The following CHCHD3 variants were observed in gnomAD, a reference collection of about 807,000 sequenced individuals.
CHCHD3 encodes MICOS complex subunit MIC19.
In CHCHD3, 20 loss-of-function variants were observed where a neutral mutation model predicts 38.2. The ratio of observed to expected loss-of-function variants is 0.52; its 90% CI spans 0.37 to 0.76. The LOEUF (loss-of-function observed/expected upper bound fraction) is 0.76. CHCHD3 is among the 30% of genes least tolerant of loss of function. CHCHD3 has a pLI of 0.00. For synonymous variants in CHCHD3, 82 were observed against 100.0 expected (o/e 0.82, Z 1.07); for missense variants, 245 against 279.2 (o/e 0.88, Z 0.87).
At chr7:132,915,286 C>G (rs1450237935) in intron 4 of CHCHD3, among the ~76,000 whole-genome samples, 1 of 152,056 alleles carries the variant, frequency 6.6e-6, no homozygotes, top group African/African-American at 2.4e-5. Flanking sequence ...GGGTCAGGGA[C>G]AGGACAACTG....
At chr7:133,074,885 C>T (rs1474028083) in intron 1 of CHCHD3, among the ~76,000 whole-genome samples, 1 of 152,160 alleles carries the variant, frequency 6.6e-6, no homozygotes, top group African/African-American at 2.4e-5. Flanking sequence ...CAATTGGCTA[C>T]ACAAATATTT....
chr7:133,080,696 T>C (rs1815148412), intron 1 of CHCHD3, among the ~76,000 whole-genome samples: 1 of 152,180 alleles, frequency 6.6e-6, no homozygotes, highest in African/African-American at 2.4e-5. Flanking sequence ...ATTAGCATGA[T>C]ATAAAGAAAT....
At chr7:132,833,475 C>T (rs1807697361) in intron 6 of CHCHD3, among the ~76,000 whole-genome samples, 1 of 152,104 alleles carries the variant, frequency 6.6e-6, no homozygotes, top group African/African-American at 2.4e-5. Flanking sequence ...AATGTAATCA[C>T]CCCAAAAGAG....
chr7:132,957,678 G>A (rs1386978854), intron 4 of CHCHD3, among the ~76,000 whole-genome samples: 2 of 151,950 alleles, frequency 1.3e-5, no homozygotes, highest in Non-Finnish European at 2.9e-5. Context: ...ATGGGGTTTC[G>A]CCATGTTGGT....
At chr7:132,934,723 T>G (rs1746719950) in intron 4 of CHCHD3, among the ~76,000 whole-genome samples, 1 of 152,062 alleles carries the variant, frequency 6.6e-6, no homozygotes, top group Non-Finnish European at 1.5e-5. Context: ...AAAAGAGCGC[T>G]AGGTGATGCC....
At chr7:132,970,121 G>C (rs1377557272) in intron 4 of CHCHD3, among the ~76,000 whole-genome samples, 2 of 152,126 alleles carry the variant, frequency 1.3e-5, no homozygotes, top group East Asian at 3.8e-4. Flanking sequence ...TTAAAGAACA[G>C]ACTATGTTCT....
chr7:132,822,726 C>T (rs1322480528), intron 6 of CHCHD3, among the ~76,000 whole-genome samples: 2 of 152,116 alleles, frequency 1.3e-5, no homozygotes, highest in African/African-American at 2.4e-5. Flanking sequence ...ATCCATGTTA[C>T]GGAAATAAAA....
intron 7 of CHCHD3, among the ~76,000 whole-genome samples, chr7:132,793,690 A>G (rs1298534534): frequency 6.6e-6 from 1 of 152,218 alleles, no homozygotes; most frequent in Non-Finnish European, 1.5e-5. Flanking sequence ...TGAGTTATTT[A>G]AAAGTGGAGT....
At chr7:132,888,886 A>AG (rs1313225250) in intron 4 of CHCHD3, among the ~76,000 whole-genome samples, 2 of 152,064 alleles carry the variant, frequency 1.3e-5, no homozygotes, top group Non-Finnish European at 2.9e-5. Flanking sequence ...AGCAGAAGGG[A>AG]GGGACAGAGA....
At chr7:132,890,282 A>G (rs1809328539) in intron 4 of CHCHD3, among the ~76,000 whole-genome samples, 1 of 152,224 alleles carries the variant, frequency 6.6e-6, no homozygotes, top group African/African-American at 2.4e-5. Context: ...TCTTTTCAGA[A>G]TAGACTTGAA....
intron 4 of CHCHD3, among the ~76,000 whole-genome samples, chr7:132,928,768 A>G (rs1263938059): frequency 2.0e-5 from 3 of 152,174 alleles, no homozygotes; most frequent in Non-Finnish European, 4.4e-5. Context: ...TAAATCCCTT[A>G]ATTGAGAAAA....
At chr7:132,835,352 A>C (rs1465556972) in intron 6 of CHCHD3, among the ~76,000 whole-genome samples, 2 of 152,220 alleles carry the variant, frequency 1.3e-5, no homozygotes, top group Admixed American at 1.3e-4. Flanking sequence ...TCCAAAATCC[A>C]GACCTCTCTT....
chr7:132,925,056 T>C (rs1013589492), intron 4 of CHCHD3, among the ~76,000 whole-genome samples: 2 of 152,194 alleles, frequency 1.3e-5, no homozygotes, highest in African/African-American at 4.8e-5. Flanking sequence ...AGAAGGGCTA[T>C]TCTTTCTTTG....
chr7:132,966,927 C>A (rs1811479607), intron 4 of CHCHD3, among the ~76,000 whole-genome samples: 1 of 152,096 alleles, frequency 6.6e-6, no homozygotes, highest in Non-Finnish European at 1.5e-5. Flanking sequence ...TCCAACAGAC[C>A]AGGCAATGAA....
At chr7:132,949,038 G>A (rs17166813) in intron 4 of CHCHD3, among the ~76,000 whole-genome samples, 3,110 of 152,212 alleles carry the variant, frequency 0.02, 83 homozygotes, top group South Asian at 0.12. Flanking sequence ...ATTTACAATC[G>A]CAAAGGAGTT....
chr7:132,942,436 A>G (rs1455775246), intron 4 of CHCHD3, among the ~76,000 whole-genome samples: 16 of 152,224 alleles, frequency 1.1e-4, no homozygotes, highest in Admixed American at 1.0e-3. Flanking sequence ...GACTTTTGAC[A>G]GAAGCATCAA....
At chr7:132,884,879 T>C (rs1259714883) in intron 5 of CHCHD3, among the ~76,000 whole-genome samples, 1 of 152,254 alleles carries the variant, frequency 6.6e-6, no homozygotes, top group East Asian at 1.9e-4. Flanking sequence ...TAACTTCTGC[T>C]ATTCAGCTCC....
chr7:132,983,981 C>CCCACGGT (rs1562929056), intron 3 of CHCHD3, among the ~76,000 whole-genome samples: 13 of 148,496 alleles, frequency 8.8e-5, no homozygotes, highest in African/African-American at 2.0e-4. Flanking sequence ...TCTCCCTCTC[C>CCCACGGT]CTCCTCTCCC....
At chr7:132,789,609 G>T (rs1256442395) in intron 7 of CHCHD3, among the ~76,000 whole-genome samples, 1 of 152,140 alleles carries the variant, frequency 6.6e-6, no homozygotes, top group Non-Finnish European at 1.5e-5. Context: ...TTTCTTGGAG[G>T]GGTTGACTAT....
Sources: allele counts gnomAD v4.1 joint callset (sites outside exome capture counted in the v4.1 genomes callset), GRCh38; gene constraint gnomAD v4.1.1; transcripts MANE v1.5; gene names NCBI Gene and HGNC (gene_info 2026-07-23, HGNC 2026-07-21).